TMEM108: variants seen among roughly 807,000 people sequenced by gnomAD.
TMEM108 encodes the protein cancer/testis antigen 124.
A neutral mutation model predicts 35.1 loss-of-function variants in TMEM108; 12 were observed. The ratio of observed to expected loss-of-function variants is 0.34; its 90% CI spans 0.22 to 0.55. The LOEUF is 0.55. Among genes scored for constraint, TMEM108 ranks in the 20% least tolerant of loss-of-function variants. The probability of loss-of-function intolerance (pLI) is 0.89; values close to 1 mark genes in which losing one functional copy is unlikely to be tolerated. For synonymous variants in TMEM108, 287 were observed against 308.6 expected (o/e 0.93, Z 0.73); for missense variants, 680 against 753.3 (o/e 0.90, Z 1.14).
At chr3:133,241,894 A>G (rs2370048) in intron 3 of TMEM108, among the ~76,000 whole-genome samples, 32,820 of 152,078 alleles carry the variant, frequency 0.22, 3,915 homozygotes, top group Middle Eastern at 0.32. Flanking sequence ...GATTATAGGC[A>G]TGAGCCACCA....
intron 2 of TMEM108, among the ~76,000 whole-genome samples, chr3:133,207,847 C>T (rs553271540): frequency 6.6e-6 from 1 of 152,266 alleles, no homozygotes; most frequent in East Asian, 1.9e-4. Context: ...ACATACCACA[C>T]TCAATGCATG....
At chr3:133,255,809 T>TA (rs1362339409) in intron 3 of TMEM108, among the ~76,000 whole-genome samples, 1 of 152,050 alleles carries the variant, frequency 6.6e-6, no homozygotes, top group African/African-American at 2.4e-5. Flanking sequence ...GCCAACATGG[T>TA]AAAACCCCAT....
intron 3 of TMEM108, among the ~76,000 whole-genome samples, chr3:133,351,275 TG>T (rs1172050638): frequency 6.6e-6 from 1 of 152,170 alleles, no homozygotes. Flanking sequence ...CCTGTGTGTC[TG>T]GTGGGAAGGT....
intron 2 of TMEM108, among the ~76,000 whole-genome samples, chr3:133,161,690 C>G (rs1221461694): frequency 6.7e-6 from 1 of 149,328 alleles, no homozygotes; most frequent in Non-Finnish European, 1.5e-5. Context: ...ATAACTTTTA[C>G]TCATTCCCTC....
At chr3:133,230,583 A>T (rs1249518439) in intron 3 of TMEM108, among the ~76,000 whole-genome samples, 2 of 152,192 alleles carry the variant, frequency 1.3e-5, no homozygotes, top group Non-Finnish European at 2.9e-5. Context: ...ATGGGAGAGG[A>T]GACATATGAA....
chr3:133,145,263 C>G (rs1944701196), intron 2 of TMEM108, among the ~76,000 whole-genome samples: 1 of 152,092 alleles, frequency 6.6e-6, no homozygotes, highest in Non-Finnish European at 1.5e-5. Flanking sequence ...TGTCAAAGAT[C>G]AGATGGTTGT....
chr3:133,357,354 T>G lies in TMEM108; in HGVS notation c.41-22398T>G, dbSNP rs192508261. 6.0e-4 allele frequency among the ~76,000 whole-genome samples: 92 copies of G among 152,288 alleles called. 1 individual carries two copies. The highest frequency in any genetic ancestry group is 2.1e-3 in the African/African-American group (87 of 41,568). ...GAAATGTAAATTAGTAAAACCACTA[T>G]GGAAAACAGTATGGAGATTCCTTAA... On this transcript the variant is annotated intron_variant, in intron 3 of 5. Coordinates refer to ENST00000321871, the MANE Select transcript of TMEM108 (RefSeq NM_023943.4).
chr3:133,044,183 A>G (rs1224360443), intron 1 of TMEM108, among the ~76,000 whole-genome samples: 2 of 152,216 alleles, frequency 1.3e-5, no homozygotes, highest in Admixed American at 6.5e-5. Context: ...GGTTTATGTA[A>G]TAACCTAATT....
In TMEM108 at chr3:133,395,964, A is replaced by G; in HGVS notation, c.1706A>G (p.Asn569Ser). The G allele has an allele frequency of 6.2e-7, 1 of 1,601,346 alleles. No individual in the cohort carries two copies. Among genetic ancestry groups the G allele is most frequent in the Non-Finnish European group, 8.5e-7 (1 of 1,174,304 alleles). The change falls in exon 6 of 6, where the codon AAC becomes AGC. Residue 569 changes from asparagine to serine, a missense_variant. Coordinates refer to ENST00000321871, the MANE Select transcript of TMEM108 (RefSeq NM_023943.4). The part of the protein sequence containing the change: ...PFCQETLFVG[N>S]DQVSEI Reference sequence around the variant, plus strand: ...TGTCAAGAAACACTGTTTGTGGGAAACGATCAAGTATCTGAGATCTAACTA... The same window carrying G: ...TGTCAAGAAACACTGTTTGTGGGAAGCGATCAAGTATCTGAGATCTAACTA...
intron 2 of TMEM108, among the ~76,000 whole-genome samples, chr3:133,204,296 C>T (rs972554777): frequency 2.0e-5 from 3 of 147,702 alleles, no homozygotes. Context: ...ATGTTTCTAT[C>T]TCCTTCAGTT....
chr3:133,342,543 G>GGT (rs1250886573), intron 3 of TMEM108, among the ~76,000 whole-genome samples: 296 of 16,094 alleles, frequency 0.018, 36 homozygotes, highest in Admixed American at 0.046. Flanking sequence ...AAGAAAATGT[G>GGT]GTATATATAT....
chr3:133,255,023 A>C (rs1007085203), intron 3 of TMEM108, among the ~76,000 whole-genome samples: 6 of 152,200 alleles, frequency 3.9e-5, no homozygotes, highest in African/African-American at 7.2e-5. Flanking sequence ...ACAGTATGTT[A>C]ATTGGTTCCC....
intron 2 of TMEM108, among the ~76,000 whole-genome samples, chr3:133,168,037 T>C (rs1945070432): frequency 6.6e-6 from 1 of 151,990 alleles, no homozygotes; most frequent in South Asian, 2.1e-4. Context: ...CCACAGAGAG[T>C]CTGTTTTGTC....
intron 3 of TMEM108, among the ~76,000 whole-genome samples, chr3:133,282,453 A>G (rs548092298): frequency 2.0e-4 from 30 of 152,186 alleles, no homozygotes; most frequent in Admixed American, 4.6e-4. Context: ...CTCCCACCAC[A>G]ACATATCCAT....
At chr3:133,330,438 G>A (rs1333277588) in intron 3 of TMEM108, among the ~76,000 whole-genome samples, 1 of 152,142 alleles carries the variant, frequency 6.6e-6, no homozygotes. Context: ...GTAAGAGAGA[G>A]AATATGAGAA....
intron 3 of TMEM108, among the ~76,000 whole-genome samples, chr3:133,327,684 C>T (rs2071347744): frequency 6.6e-6 from 1 of 152,106 alleles, no homozygotes; most frequent in African/African-American, 2.4e-5. Context: ...TGCAAAAGTT[C>T]AAGGCTACAG....
chr3:133,129,501 AGCT>A lies in TMEM108; in HGVS notation c.-47+83485_-47+83487del, dbSNP rs367707066. Among the ~76,000 whole-genome samples, 357 of 152,314 alleles carry A rather than the reference AGCT, an allele frequency of 2.3e-3. 4 individuals are homozygous for A. The highest frequency in any genetic ancestry group is 8.2e-3 in the African/African-American group (339 of 41,560). Reference sequence around the variant, plus strand: ...ACAATAACTACCATAAACCCAGAGTAGCTGCTCTGGTTGGAGGCCAACTTTCAA... The same window carrying A: ...ACAATAACTACCATAAACCCAGAGTAGCTCTGGTTGGAGGCCAACTTTCAA... On this transcript the variant is annotated intron_variant, in intron 2 of 5. Coordinates refer to ENST00000321871, the MANE Select transcript of TMEM108 (RefSeq NM_023943.4).
intron 2 of TMEM108, among the ~76,000 whole-genome samples, chr3:133,092,240 A>G (rs1943956127): frequency 1.3e-5 from 2 of 152,220 alleles, no homozygotes; most frequent in Non-Finnish European, 2.9e-5. Context: ...CTGACAAGGA[A>G]CCAGCTATGT....
At chr3:133,369,127 A>G (rs751119573) in intron 3 of TMEM108, among the ~76,000 whole-genome samples, 8 of 152,202 alleles carry the variant, frequency 5.3e-5, no homozygotes, top group Non-Finnish European at 1.0e-4. Context: ...ACTGACCCCA[A>G]GCCCATGGCC....
Sources: allele counts gnomAD v4.1 joint callset (sites outside exome capture counted in the v4.1 genomes callset), GRCh38; gene constraint gnomAD v4.1.1; transcripts MANE v1.5; gene names NCBI Gene and HGNC (gene_info 2026-07-23, HGNC 2026-07-21).